Variants in RNF169 observed in about 807,000 individuals in gnomAD.
RNF169 encodes ring finger protein 169.
Under a neutral mutation model 53.9 loss-of-function variants are expected in RNF169, and 24 were observed. The observed-to-expected ratio is 0.45, with a 90% CI of 0.32 to 0.63. RNF169 has a LOEUF of 0.63. Among genes scored for constraint, RNF169 ranks in the 20% least tolerant of loss-of-function variants. The pLI, the probability that RNF169 is intolerant of heterozygous loss-of-function variation, is 0.04. For synonymous variants in RNF169, 396 were observed against 363.5 expected, an observed-to-expected ratio of 1.09 and a Z score of -1.02; for missense variants, 883 against 906.2, an observed-to-expected ratio of 0.97 and a Z score of 0.33.
At chr11:74,755,533 AC>A (rs538520757) in intron 1 of RNF169, among the ~76,000 whole-genome samples, 12 of 152,358 alleles carry the variant, frequency 7.9e-5, no homozygotes, top group African/African-American at 2.4e-4. Flanking sequence ...AAGACATGGT[AC>A]CTTTTCTTTA....
At chr11:74,826,769 T>C (rs903107234) in intron 4 of RNF169, among the ~76,000 whole-genome samples, 1 of 152,224 alleles carries the variant, frequency 6.6e-6, no homozygotes, top group Non-Finnish European at 1.5e-5. Flanking sequence ...GGCAGCTAAA[T>C]CTTAAAGTTC....
rs1256271775 is a variant in RNF169, at chr11:74,836,115, C to T, written c.1512C>T (p.Phe504=). 3.1e-6 allele frequency: 5 copies of T among 1,613,984 alleles called. No homozygotes were observed. The highest frequency in any genetic ancestry group is 1.3e-5 in the African/African-American group (1 of 74,906). Residue 504 remains phenylalanine, a synonymous_variant, in exon 6 of 6, where the codon TTC becomes TTT. Transcript: ENST00000299563. ...TGPTSADLDH[F]PSVSQTKAEQ... ...CCACCTCTGCTGATCTTGATCATTT[C>T]CCCTCTGTTAGCCAAACAAAAGCAG...
At chr11:74,807,392 T>C (rs2035820951) in intron 2 of RNF169, among the ~76,000 whole-genome samples, 1 of 152,234 alleles carries the variant, frequency 6.6e-6, no homozygotes, top group African/African-American at 2.4e-5. Flanking sequence ...GCACTTTATA[T>C]TGGCTCTCTG....
At chr11:74,816,546 G>A (rs1401591185) in intron 3 of RNF169, among the ~76,000 whole-genome samples, 3 of 152,166 alleles carry the variant, frequency 2.0e-5, no homozygotes, top group Admixed American at 2.0e-4. Context: ...ATAAATGAAT[G>A]GATATAAACA....
intron 4 of RNF169, chr11:74,832,514 A>G (rs1555000711): frequency 6.6e-6 from 1 of 152,158 alleles, no homozygotes; most frequent in Non-Finnish European, 1.5e-5. Context: ...GTTTTTAAAA[A>G]TTAAGTTATT....
intron 1 of RNF169, among the ~76,000 whole-genome samples, chr11:74,750,908 C>T (rs1453576298): frequency 2.7e-5 from 3 of 113,184 alleles, no homozygotes; most frequent in African/African-American, 3.4e-5. Context: ...GAGTCTCACT[C>T]TGTCTCCCAG....
At chr11:74,752,608 A>AAG (rs1406902165) in intron 1 of RNF169, among the ~76,000 whole-genome samples, 1 of 152,086 alleles carries the variant, frequency 6.6e-6, no homozygotes, top group African/African-American at 2.4e-5. Context: ...AAAAAAAAAA[A>AAG]AAAGATTCTT....
intron 1 of RNF169, among the ~76,000 whole-genome samples, chr11:74,774,609 T>A (rs1011306139): frequency 6.6e-6 from 1 of 152,072 alleles, no homozygotes; most frequent in Non-Finnish European, 1.5e-5. Flanking sequence ...TTTGGTAATG[T>A]GGTAGGACAA....
intron 3 of RNF169, among the ~76,000 whole-genome samples, chr11:74,812,455 T>C (rs1247470422): frequency 6.6e-6 from 1 of 152,016 alleles, no homozygotes; most frequent in African/African-American, 2.4e-5. Context: ...CCACCATGGC[T>C]GGTCAATTTT....
intron 1 of RNF169, among the ~76,000 whole-genome samples, chr11:74,750,878 T>G (rs2034881875): frequency 7.9e-6 from 1 of 125,924 alleles, no homozygotes; most frequent in Admixed American, 7.9e-5. Context: ...TTTTTTTTTT[T>G]TTTTTTTTTT....
chr11:74,812,269 TTC>T (rs1225463674), intron 3 of RNF169, among the ~76,000 whole-genome samples: 1 of 152,108 alleles, frequency 6.6e-6, no homozygotes, highest in Non-Finnish European at 1.5e-5. Context: ...TTGCCTTTTT[TTC>T]TGTTTTCTTA....
At chr11:74,752,829 CA>C (rs1473760805) in intron 1 of RNF169, among the ~76,000 whole-genome samples, 1 of 152,074 alleles carries the variant, frequency 6.6e-6, no homozygotes, top group East Asian at 1.9e-4. Context: ...TATTGGTGGA[CA>C]TTTTGATTGT....
chr11:74,800,898 T>C (rs1274595730), intron 2 of RNF169, among the ~76,000 whole-genome samples: 4 of 152,224 alleles, frequency 2.6e-5, no homozygotes, highest in African/African-American at 7.2e-5. Flanking sequence ...ACTGATAATA[T>C]ATCTGCCGGT....
chr11:74,749,590 G>A lies in RNF169; in HGVS notation c.502+208G>A, dbSNP rs140568777. On this transcript the variant is annotated intron_variant, in intron 1 of 5. Transcript: ENST00000299563. ...ACAGGCACGTTGCATGCGGAGGGGC[G>A]GTGAGGGCACCCTGTGCCTTACGTA... Among the ~76,000 whole-genome samples, 6 of 152,328 alleles carry A rather than the reference G, an allele frequency of 3.9e-5. No individual in the cohort carries two copies. The South Asian group carries it at 8.3e-4, about 21-fold the overall frequency.
At chr11:74,824,871 A>G (rs2036070112) in intron 4 of RNF169, among the ~76,000 whole-genome samples, 1 of 152,222 alleles carries the variant, frequency 6.6e-6, no homozygotes, top group South Asian at 2.1e-4. Flanking sequence ...TTTATCAGCA[A>G]TTACATTAAA....
intron 1 of RNF169, among the ~76,000 whole-genome samples, chr11:74,764,014 T>C (rs2035132189): frequency 6.6e-6 from 1 of 152,130 alleles, no homozygotes; most frequent in Admixed American, 6.5e-5. Context: ...ACCTGGTACC[T>C]AGCAAGAATT....
At position 74,836,203 on chromosome 11, in the gene RNF169, C is replaced by A. The variant is rs1428739027; in HGVS notation, c.1600C>A (p.Leu534Ile). ...IPLETCCSSE[L>I]KGGGSGTSLE... ...ACTGGAAACCTGCTGTTCCTCAGAACTCAAAGGGGGAGGCAGTGGGACTTC... is the reference window on the plus strand; with the variant it reads ...ACTGGAAACCTGCTGTTCCTCAGAAATCAAAGGGGGAGGCAGTGGGACTTC... The change falls in exon 6 of 6, where the codon CTC (leucine) becomes ATC (isoleucine). Residue 534 changes from leucine (L) to isoleucine (I), a missense_variant. Coordinates refer to ENST00000299563, the MANE Select transcript of RNF169 (RefSeq NM_001098638.2). 3 of 1,614,034 alleles carry A rather than the reference C, an allele frequency of 1.9e-6. No individual in the cohort carries two copies. The highest frequency in any genetic ancestry group is 2.7e-5 in the African/African-American group (2 of 74,902).
Position 74,819,791 on chromosome 11 carries a change from G to C in RNF169, c.842+2077G>C, listed in dbSNP as rs538941414. Among the ~76,000 whole-genome samples the C allele has an allele frequency of 2.0e-5, 3 of 152,248 alleles. No homozygotes were observed. In the East Asian group the frequency reaches 5.8e-4, roughly 29 times the overall value. Reference sequence around the variant, plus strand: ...GTTATGAAGTTGCTTTTTAGCCTTCGAATGCTTTAGCAATAGTTTATATTG... The same window carrying C: ...GTTATGAAGTTGCTTTTTAGCCTTCCAATGCTTTAGCAATAGTTTATATTG... On this transcript the variant is annotated intron_variant, in intron 4 of 5. Transcript: ENST00000299563.
At position 74,789,608 on chromosome 11, in the gene RNF169, C is replaced by G; in HGVS notation, c.503-18C>G. 6.4e-7 allele frequency: 1 copy of G among 1,571,908 alleles called. No individual in the cohort carries two copies. The highest frequency in any genetic ancestry group is 8.7e-7 in the Non-Finnish European group (1 of 1,145,572). Reference sequence around the variant, plus strand: ...AGAAAGTCATCTTAAAAAGTATTTTCTTTTCCCTTTCTTTCAGACTTTATA... The same window carrying G: ...AGAAAGTCATCTTAAAAAGTATTTTGTTTTCCCTTTCTTTCAGACTTTATA... On this transcript the variant is annotated intron_variant, in intron 1 of 5. Coordinates refer to ENST00000299563, the MANE Select transcript of RNF169 (RefSeq NM_001098638.2).
Sources: allele counts gnomAD v4.1 joint callset (sites outside exome capture counted in the v4.1 genomes callset), GRCh38; gene constraint gnomAD v4.1.1; transcripts MANE v1.5; gene names NCBI Gene and HGNC (gene_info 2026-07-23, HGNC 2026-07-21).